BMPR1B: variants seen among roughly 807,000 people sequenced by gnomAD.
BMPR1B encodes bone morphogenetic protein receptor type 1B.
Under a neutral mutation model 59.1 loss-of-function variants are expected in BMPR1B, and 12 were observed. The ratio of observed to expected loss-of-function variants is 0.20; its 90% CI spans 0.13 to 0.33. BMPR1B has a LOEUF of 0.33. Ranked by LOEUF, BMPR1B falls within the 10% of genes least tolerant of loss-of-function variation. The pLI is 1.00. For synonymous variants in BMPR1B, 237 were observed against 207.3 expected (o/e 1.14, Z -1.23); for missense variants, 550 against 610.9 (o/e 0.90, Z 1.05).
chr4:94,883,110 A>AAAAT (rs1727045300), intron 2 of BMPR1B, among the ~76,000 whole-genome samples: 1 of 152,088 alleles, frequency 6.6e-6, no homozygotes, highest in Non-Finnish European at 1.5e-5. Flanking sequence ...GAGAGCCTTG[A>AAAAT]AAATAGACTT....
chr4:94,758,715 CCT>C (rs1158362502), intron 1 of BMPR1B, among the ~76,000 whole-genome samples: 3 of 151,766 alleles, frequency 2.0e-5, no homozygotes, highest in Non-Finnish European at 2.9e-5. Flanking sequence ...TCTCTCTATG[CCT>C]CTCTCTCAAG....
intron 2 of BMPR1B, among the ~76,000 whole-genome samples, chr4:94,978,941 CACAT>C (rs914060755): frequency 8.3e-6 from 1 of 120,540 alleles, no homozygotes; most frequent in African/African-American, 3.2e-5. Flanking sequence ...GACACCATCA[CACAT>C]ACATACACAC....
intron 10 of BMPR1B, 51 bp from the exon 11 acceptor site, chr4:95,148,697 T>G (rs777826202): frequency 1.3e-6 from 2 of 1,575,674 alleles, no homozygotes; most frequent in Admixed American, 3.3e-5. Context: ...CTTGATTCGT[T>G]TTTGTTGGTC....
chr4:94,946,156 A>G (rs754016152), intron 2 of BMPR1B, among the ~76,000 whole-genome samples: 1 of 152,184 alleles, frequency 6.6e-6, no homozygotes, highest in Non-Finnish European at 1.5e-5. Flanking sequence ...CTGCCATGGA[A>G]TGTTAGTGAG....
chr4:94,826,528 T>TA (rs1260384901), intron 1 of BMPR1B, among the ~76,000 whole-genome samples: 2 of 152,144 alleles, frequency 1.3e-5, no homozygotes, highest in East Asian at 3.8e-4. Context: ...GATTTTCTTA[T>TA]AAAAAATGTG....
chr4:95,079,338 C>T (rs1265394850), intron 3 of BMPR1B, among the ~76,000 whole-genome samples: 1 of 152,252 alleles, frequency 6.6e-6, no homozygotes, highest in East Asian at 1.9e-4. Flanking sequence ...CACGTGCGTG[C>T]CAGGTGCCTG....
At chr4:95,056,195 T>C (rs1726916486) in intron 3 of BMPR1B, among the ~76,000 whole-genome samples, 2 of 152,318 alleles carry the variant, frequency 1.3e-5, no homozygotes, top group South Asian at 4.1e-4. Context: ...TTGATTATTA[T>C]ACTTGTTATC....
At chr4:95,137,852 CTT>C (rs1423438392) in intron 10 of BMPR1B, among the ~76,000 whole-genome samples, 1 of 152,100 alleles carries the variant, frequency 6.6e-6, no homozygotes, top group Non-Finnish European at 1.5e-5. Context: ...GGTCTTGACT[CTT>C]TATCCAATTT....
intron 2 of BMPR1B, among the ~76,000 whole-genome samples, chr4:94,973,769 A>G (rs977750946): frequency 3.3e-5 from 5 of 152,276 alleles, no homozygotes; most frequent in Admixed American, 2.0e-4. Context: ...CAGCATTTTC[A>G]TAGAACCCAG....
At chr4:94,930,113 A>G (rs771200102) in intron 2 of BMPR1B, among the ~76,000 whole-genome samples, 1 of 152,012 alleles carries the variant, frequency 6.6e-6, no homozygotes, top group Non-Finnish European at 1.5e-5. Flanking sequence ...CACCACAACT[A>G]TCTCTTAACT....
rs200690258 is a variant in BMPR1B, at chr4:94,859,720, AAAAG to A, written c.-182-16109_-182-16106del. 7.2e-3 allele frequency among the ~76,000 whole-genome samples: 1,092 copies of A among 152,200 alleles called. 10 individuals are homozygous for A. The highest frequency in any genetic ancestry group is 7.8e-3 in the Non-Finnish European group (527 of 67,988). On this transcript the variant is annotated intron_variant, in intron 1 of 12. Transcript: ENST00000515059. Reference sequence around the variant, plus strand: ...AATACTCTGTGACAAGACTTAAAAAAAAAGAGTTACTATGCAGTGATAATGAAGT... The same window carrying A: ...AATACTCTGTGACAAGACTTAAAAAAAGTTACTATGCAGTGATAATGAAGT...
chr4:94,843,274 G>A (rs6816482), intron 1 of BMPR1B, among the ~76,000 whole-genome samples: 93,325 of 151,994 alleles, frequency 0.61, 29,658 homozygotes, highest in African/African-American at 0.78. Context: ...AGGTAAATTT[G>A]TGGAAGTTTA....
intron 2 of BMPR1B, among the ~76,000 whole-genome samples, chr4:94,987,572 C>G (rs897525563): frequency 2.6e-5 from 4 of 151,932 alleles, no homozygotes; most frequent in Admixed American, 2.0e-4. Flanking sequence ...GGGATTTTCC[C>G]CTTTCCATTC....
chr4:95,011,955 G>T (rs917287912), intron 3 of BMPR1B, among the ~76,000 whole-genome samples: 1 of 151,856 alleles, frequency 6.6e-6, no homozygotes, highest in Non-Finnish European at 1.5e-5. Flanking sequence ...GGAGGCTGAG[G>T]TTGCAGTGAG....
At chr4:94,794,317 T>A (rs1723100754) in intron 1 of BMPR1B, among the ~76,000 whole-genome samples, 1 of 151,654 alleles carries the variant, frequency 6.6e-6, no homozygotes, top group African/African-American at 2.4e-5. Flanking sequence ...TTGTCAAAGA[T>A]CAGATAGCTG....
At chr4:95,045,606 T>C (rs577169834) in intron 3 of BMPR1B, among the ~76,000 whole-genome samples, 2 of 152,302 alleles carry the variant, frequency 1.3e-5, no homozygotes, top group South Asian at 2.1e-4. Flanking sequence ...TTCCTACTTA[T>C]CTTTGAAGAC....
At position 94,786,485 on chromosome 4, in the gene BMPR1B, C is replaced by G. The variant is rs145113094; in HGVS notation, c.-183+28417C>G. Among the ~76,000 whole-genome samples the G allele has an allele frequency of 1.4e-3, 207 of 152,114 alleles. 1 individual carries two copies. The highest frequency in any genetic ancestry group is 4.8e-3 in the African/African-American group (198 of 41,516). ...GGGCTCAAGTGACCTTTCCACCTCC[C>G]AAATAGCTAGGATTATGGGCATGTG... is the stretch of plus-strand genomic sequence containing the variant. On this transcript the variant is annotated intron_variant, in intron 1 of 12. Transcript: ENST00000515059.
At chr4:94,924,009 A>G (rs142944458) in intron 2 of BMPR1B, among the ~76,000 whole-genome samples, 53 of 152,244 alleles carry the variant, frequency 3.5e-4, no homozygotes, top group African/African-American at 1.2e-3. Flanking sequence ...TAAGGATGCT[A>G]TGTCTTGACT....
chr4:94,800,780 G>C (rs1245550074), intron 1 of BMPR1B, among the ~76,000 whole-genome samples: 1 of 152,136 alleles, frequency 6.6e-6, no homozygotes, highest in Non-Finnish European at 1.5e-5. Context: ...AAATTATTTG[G>C]TGATATTATT....
Sources: allele counts gnomAD v4.1 joint callset (sites outside exome capture counted in the v4.1 genomes callset), GRCh38; gene constraint gnomAD v4.1.1; transcripts MANE v1.5; gene names NCBI Gene and HGNC (gene_info 2026-07-23, HGNC 2026-07-21).